Variants in SH3BP5 observed in about 807,000 individuals in gnomAD.
The protein encoded by SH3BP5 is SH3 domain-binding protein 5.
SH3BP5 carries 22 observed loss-of-function variants against 43.3 expected under a neutral mutation model. That is an observed-to-expected ratio of 0.51 (90% CI 0.36 to 0.73). The LOEUF is 0.73. Among genes scored for constraint, SH3BP5 ranks in the 30% least tolerant of loss-of-function variants. The probability of loss-of-function intolerance (pLI) is 0.00; values close to 1 mark genes in which losing one functional copy is unlikely to be tolerated. For missense variants in SH3BP5, 529 were observed against 586.9 expected (o/e 0.90, Z 1.02); for synonymous variants, 255 against 225.8 (o/e 1.13, Z -1.16).
At chr3:15,274,908 T>C (rs538748640) in intron 3 of SH3BP5, among the ~76,000 whole-genome samples, 5 of 152,318 alleles carry the variant, frequency 3.3e-5, no homozygotes, top group African/African-American at 1.2e-4. Flanking sequence ...ACAACAGTGC[T>C]TGGGAGGTGG....
At chr3:15,285,449 G>C (rs772676637) in intron 3 of SH3BP5, among the ~76,000 whole-genome samples, 2 of 152,158 alleles carry the variant, frequency 1.3e-5, no homozygotes, top group African/African-American at 4.8e-5. Context: ...TCCCAATGGG[G>C]CTTCAGGAAA....
upstream of SH3BP5, chr3:15,333,095 G>C: frequency 1.0e-6 from 1 of 985,534 alleles, no homozygotes; most frequent in Non-Finnish European, 1.2e-6. Flanking sequence ...TACCTGAATA[G>C]CCAGGAGCAT....
rs1292698021 is a variant in SH3BP5, at chr3:15,306,087, T to G, written c.202-1856A>C. Among the ~76,000 whole-genome samples the G allele has an allele frequency of 2.1e-5, 3 of 142,178 alleles. No individual in the cohort carries two copies. In the East Asian group the frequency reaches 6.4e-4, roughly 30 times the overall value. The allele number at this position is 142,178 out of a possible 152,430, so 93.3% of individuals were successfully genotyped here. On this transcript the variant is annotated intron_variant, in intron 2 of 8. Coordinates refer to ENST00000383791, the MANE Select transcript of SH3BP5 (RefSeq NM_004844.5). The stretch of plus-strand genomic sequence containing the variant: ...AAAGAGAAATGGCAGCCGGGCACCA[T>G]GGCTCATGCCTGTAATCCCAGCACT...
At chr3:15,319,956 C>T (rs923175704) in intron 2 of SH3BP5, among the ~76,000 whole-genome samples, 6 of 152,146 alleles carry the variant, frequency 3.9e-5, no homozygotes, top group South Asian at 2.1e-4. Context: ...TAAGCTATTA[C>T]GGCTTGGGAT....
Position 15,256,815 on chromosome 3 carries a change from T to C in SH3BP5, c.1150+38A>G, listed in dbSNP as rs2125036712. 2.5e-6 allele frequency: 4 copies of C among 1,574,474 alleles called. No individual in the cohort carries two copies. The East Asian group carries it at 6.8e-5, about 27-fold the overall frequency. On this transcript the variant is annotated intron_variant, in intron 8 of 8. Transcript: ENST00000383791. The stretch of plus-strand genomic sequence containing the variant: ...CACAACAGTCAGGCTACAGAGGCAG[T>C]GTGGCATCTGGGACGGGGTGAGAAG...
At chr3:15,323,421 T>C (rs1698385854) in intron 2 of SH3BP5, among the ~76,000 whole-genome samples, 1 of 152,138 alleles carries the variant, frequency 6.6e-6, no homozygotes, top group Non-Finnish European at 1.5e-5. Flanking sequence ...ACCTTCTCTG[T>C]TTGCAGCGCC....
intron 8 of SH3BP5, 61 bp from the exon 9 acceptor site, chr3:15,256,364 A>G (rs1051358689): frequency 1.3e-6 from 2 of 1,511,360 alleles, no homozygotes; most frequent in Non-Finnish European, 1.8e-6. Context: ...TCTCCTATAG[A>G]AATACAAAGA....
chr3:15,301,121 G>C (rs1320291505), intron 3 of SH3BP5, among the ~76,000 whole-genome samples: 2 of 152,150 alleles, frequency 1.3e-5, no homozygotes, highest in African/African-American at 2.4e-5. Flanking sequence ...GCAGGGAGTG[G>C]TGTGAAATCT....
intron 2 of SH3BP5, among the ~76,000 whole-genome samples, chr3:15,314,372 C>T (rs1355086353): frequency 6.6e-6 from 1 of 152,104 alleles, no homozygotes; most frequent in Non-Finnish European, 1.5e-5. Flanking sequence ...TTCCCTCCCG[C>T]CTCTGTCTGG....
At chr3:15,260,985 C>T (rs1389019765) in intron 5 of SH3BP5, among the ~76,000 whole-genome samples, 1 of 152,030 alleles carries the variant, frequency 6.6e-6, no homozygotes, top group Non-Finnish European at 1.5e-5. Flanking sequence ...GAGAAAAGAC[C>T]CACCATATTC....
intron 3 of SH3BP5, among the ~76,000 whole-genome samples, chr3:15,303,267 C>G (rs923783298): frequency 2.0e-5 from 3 of 152,232 alleles, no homozygotes; most frequent in African/African-American, 7.2e-5. Flanking sequence ...ACTCTCATCT[C>G]AAGAGGCATC....
rs147208152 is a variant in SH3BP5 at position 15,294,993 on chromosome 3, G to A, written c.330+9110C>T. On this transcript the variant is annotated intron_variant, in intron 3 of 8. Coordinates refer to ENST00000383791, the MANE Select transcript of SH3BP5 (RefSeq NM_004844.5). ...GATCTCTGCTCTTCTGTCTTTACCA[G>A]CCACCCTTCCTCTTGTGCTTCGGAG... Among the ~76,000 whole-genome samples, 14 of 152,074 alleles carry A rather than the reference G, an allele frequency of 9.2e-5. 1 individual carries two copies. The highest frequency in any genetic ancestry group is 3.4e-4 in the African/African-American group (14 of 41,462).
intron 5 of SH3BP5, 73 bp from the exon 6 acceptor site, chr3:15,259,876 A>G: frequency 1.5e-6 from 2 of 1,379,020 alleles, no homozygotes; most frequent in Non-Finnish European, 2.1e-6. Context: ...CAAGATGAAC[A>G]AGAGGCATCA....
chr3:15,269,485 C>T (rs182781299), intron 4 of SH3BP5, among the ~76,000 whole-genome samples: 4 of 152,272 alleles, frequency 2.6e-5, no homozygotes, highest in African/African-American at 9.6e-5. Context: ...CCTCAAGCAA[C>T]ATAAGGGAAG....
In SH3BP5 at chr3:15,269,720, G is replaced by A; in HGVS notation, c.488C>T (p.Thr163Ile). The A allele has an allele frequency of 1.3e-6, 2 of 1,597,434 alleles. No homozygotes were observed. The highest frequency in any genetic ancestry group is 1.7e-6 in the Non-Finnish European group (2 of 1,170,228). The change falls in exon 4 of 9, where the codon ACT becomes ATT. Residue 163 changes from threonine to isoleucine, a missense_variant. Transcript: ENST00000383791. ...CCCGGCCATGACTCATACCCTCTGA[G>A]TGGCGTGATTCAGCATCTCCTGCCA... ...SAWQEMLNHA[T>I]QRVMEAEQTK...
intron 5 of SH3BP5, among the ~76,000 whole-genome samples, chr3:15,261,569 T>G (rs1253702428): frequency 6.6e-6 from 1 of 152,158 alleles, no homozygotes; most frequent in Non-Finnish European, 1.5e-5. Flanking sequence ...GTCCTCCTCC[T>G]TTTGCTAGGA....
rs145116241 is a variant in SH3BP5 at position 15,258,397 on chromosome 3, C to T, written c.889+434G>A. ...TAAGCTGAACCACCACCCTACACAA[C>T]GGATAGTATACAGTAGATAGCGTCA... On this transcript the variant is annotated intron_variant, in intron 7 of 8. Coordinates refer to ENST00000383791, the MANE Select transcript of SH3BP5 (RefSeq NM_004844.5). The T allele has an allele frequency of 4.3e-3, 683 of 158,388 alleles. 7 individuals are homozygous for T. The highest frequency in any genetic ancestry group is 7.0e-3 in the Non-Finnish European group (508 of 72,652). The allele number at this position is 158,388 out of a possible 1,614,324, so 9.8% of individuals were successfully genotyped here.
Position 15,255,422 on chromosome 3 carries a change from CCGCATCCCCA to C in SH3BP5, c.*654_*663del, listed in dbSNP as rs1387790421. 6.5e-6 allele frequency: 1 copy of C among 152,830 alleles called. No homozygotes were observed. Among genetic ancestry groups the C allele is most frequent in the African/African-American group, 2.4e-5 (1 of 41,562 alleles). 9.5% of individuals were successfully genotyped at this position (152,830 alleles called of 1,614,324 possible). ...ATAAGTCCCTCCTACCCTCATCCCC[CCGCATCCCCA>C]CTGGCATTCACCTTTCCCACCCCAA... On this transcript the variant is annotated 3_prime_UTR_variant, in exon 9 of 9. Transcript: ENST00000383791.
At position 15,259,086 on chromosome 3, in the gene SH3BP5, C is replaced by G. The variant is rs780868935; in HGVS notation, c.670-36G>C. 4.6e-6 allele frequency: 7 copies of G among 1,515,084 alleles called. No individual in the cohort carries two copies. The Admixed American group carries it at 1.2e-4, about 26-fold the overall frequency. 93.9% of individuals were successfully genotyped at this position (1,515,084 alleles called of 1,614,324 possible). A position where few individuals can be genotyped will look rare whatever the true frequency, so the allele number is the denominator to read the frequency against. ...GAACAGGAGACTAAGTGAAGACTACCCTGCTAGCCTTAAGATGCTTTCTGA... is the reference window on the plus strand; with the variant it reads ...GAACAGGAGACTAAGTGAAGACTACGCTGCTAGCCTTAAGATGCTTTCTGA... On this transcript the variant is annotated intron_variant, in intron 6 of 8. Transcript: ENST00000383791.
Sources: allele counts gnomAD v4.1 joint callset (sites outside exome capture counted in the v4.1 genomes callset), GRCh38; gene constraint gnomAD v4.1.1; transcripts MANE v1.5; gene names NCBI Gene and HGNC (gene_info 2026-07-23, HGNC 2026-07-21).